The following NXPE4 variants were observed in gnomAD, a reference collection of about 807,000 sequenced individuals.
NXPE4 encodes the protein neurexophilin and PC-esterase domain family member 4.
A neutral mutation model predicts 33.3 loss-of-function variants in NXPE4; 42 were observed. The observed-to-expected ratio is 1.26, with a 90% CI of 0.98 to 1.63. The LOEUF (loss-of-function observed/expected upper bound fraction) is 1.63. NXPE4 is among the 40% of genes most tolerant of loss of function. The pLI is 0.00. For missense variants in NXPE4, 709 were observed against 647.6 expected, an observed-to-expected ratio of 1.09 and a Z score of -1.03; for synonymous variants, 253 against 234.9, an observed-to-expected ratio of 1.08 and a Z score of -0.71.
the NXPE4 span, among the ~76,000 whole-genome samples, chr11:114,637,235 T>C: frequency 6.6e-6 from 1 of 151,878 alleles, no homozygotes; most frequent in Non-Finnish European, 1.5e-5. Context: ...CTTTGTCTCT[T>C]TTGATCTTTG....
At chr11:114,625,334 C>T in the NXPE4 span, among the ~76,000 whole-genome samples, 4 of 152,220 alleles carry the variant, frequency 2.6e-5, no homozygotes, top group Admixed American at 1.3e-4. Context: ...TGTGGGTAAC[C>T]ACTGTTACTG....
At chr11:114,617,753 G>T in the NXPE4 span, among the ~76,000 whole-genome samples, 1 of 152,092 alleles carries the variant, frequency 6.6e-6, no homozygotes, top group African/African-American at 2.4e-5. Context: ...GGTAACCACT[G>T]TTACCATGTG....
chr11:114,628,849 G>T, the NXPE4 span, among the ~76,000 whole-genome samples: 3 of 151,802 alleles, frequency 2.0e-5, no homozygotes, highest in Non-Finnish European at 4.4e-5. Flanking sequence ...TATCACCACC[G>T]ATCCCACAGA....
At chr11:114,636,106 G>A in the NXPE4 span, among the ~76,000 whole-genome samples, 21 of 126,470 alleles carry the variant, frequency 1.7e-4, no homozygotes, top group South Asian at 2.7e-4. Flanking sequence ...GGACTCTTTC[G>A]TTGGTAAGCT....
rs569621438 is a variant in NXPE4, at chr11:114,589,971, C to T, written c.96+4693G>A. On this transcript the variant is annotated intron_variant, in intron 2 of 5. Transcript: ENST00000375478. ...CTGAGGGAACTAAATGGTTTACAGTCTTAGATTTAAAGGATGCCTTTTTCT... is the reference window on the plus strand; with the variant it reads ...CTGAGGGAACTAAATGGTTTACAGTTTTAGATTTAAAGGATGCCTTTTTCT... 2.6e-5 allele frequency among the ~76,000 whole-genome samples: 4 copies of T among 152,310 alleles called. No homozygotes were observed. In the South Asian group the frequency reaches 6.2e-4, roughly 24 times the overall value.
At chr11:114,602,464 A>G in the NXPE4 span, among the ~76,000 whole-genome samples, 3 of 135,400 alleles carry the variant, frequency 2.2e-5, no homozygotes, top group Admixed American at 8.2e-5. Context: ...TAAATAATAT[A>G]TAAATTATAG....
At chr11:114,622,988 C>T in the NXPE4 span, among the ~76,000 whole-genome samples, 15 of 152,190 alleles carry the variant, frequency 9.9e-5, no homozygotes, top group African/African-American at 1.7e-4. Context: ...TAGGAAACCA[C>T]GGTTACCTGG....
At chr11:114,668,944 G>C in the NXPE4 span, among the ~76,000 whole-genome samples, 1 of 152,050 alleles carries the variant, frequency 6.6e-6, no homozygotes, top group African/African-American at 2.4e-5. Context: ...TAGAAGAATG[G>C]AATCTCTGTG....
intron 2 of NXPE4, among the ~76,000 whole-genome samples, chr11:114,587,289 G>A (rs1018766051): frequency 2.6e-5 from 4 of 152,122 alleles, no homozygotes; most frequent in African/African-American, 9.7e-5. Context: ...CACCTATTCT[G>A]CCTCCAATTA....
intron 2 of NXPE4, among the ~76,000 whole-genome samples, chr11:114,586,764 A>C (rs1016910920): frequency 1.1e-4 from 17 of 152,094 alleles, no homozygotes; most frequent in Admixed American, 5.9e-4. Context: ...AGCTTTTTCT[A>C]TTGCAAATTT....
the NXPE4 span, among the ~76,000 whole-genome samples, chr11:114,621,350 T>G: frequency 2.2e-4 from 33 of 152,268 alleles, no homozygotes; most frequent in African/African-American, 7.9e-4. Flanking sequence ...TGTTGCCTCG[T>G]TAGTAAATAC....
At chr11:114,643,111 GT>G in the NXPE4 span, among the ~76,000 whole-genome samples, 4 of 151,936 alleles carry the variant, frequency 2.6e-5, no homozygotes, top group African/African-American at 9.7e-5. Flanking sequence ...GGGGTTGTTT[GT>G]TTTTTTCTTG....
the NXPE4 span, among the ~76,000 whole-genome samples, chr11:114,668,634 G>A: frequency 6.6e-6 from 1 of 152,072 alleles, no homozygotes; most frequent in South Asian, 2.1e-4. Flanking sequence ...CTCAGAGCAA[G>A]TGGGGAAAAG....
the NXPE4 span, among the ~76,000 whole-genome samples, chr11:114,659,280 A>T: frequency 6.6e-6 from 1 of 152,320 alleles, no homozygotes; most frequent in African/African-American, 2.4e-5. Context: ...CAAGGCAATC[A>T]ATAGACTCAG....
At chr11:114,602,647 ATTT>A in the NXPE4 span, among the ~76,000 whole-genome samples, 3 of 141,700 alleles carry the variant, frequency 2.1e-5, no homozygotes, top group African/African-American at 7.6e-5. Flanking sequence ...ATATATAATA[ATTT>A]TCTCATATAT....
At chr11:114,641,915 C>G in the NXPE4 span, among the ~76,000 whole-genome samples, 7 of 152,020 alleles carry the variant, frequency 4.6e-5, no homozygotes, top group Non-Finnish European at 4.4e-5. Flanking sequence ...ACTAGAGTAA[C>G]TTTATGCCAA....
the NXPE4 span, among the ~76,000 whole-genome samples, chr11:114,637,395 A>G: frequency 1.1e-3 from 162 of 151,086 alleles, no homozygotes; most frequent in East Asian, 3.3e-3. Context: ...ACAGCACACT[A>G]ATGGGTCTTG....
the NXPE4 span, among the ~76,000 whole-genome samples, chr11:114,660,969 A>G: frequency 6.6e-6 from 1 of 152,114 alleles, no homozygotes; most frequent in Non-Finnish European, 1.5e-5. Flanking sequence ...TATTCTGTCA[A>G]TCATCAGTTT....
At chr11:114,581,425 G>C (rs139117793) in intron 4 of NXPE4, among the ~76,000 whole-genome samples, 2 of 152,174 alleles carry the variant, frequency 1.3e-5, no homozygotes, top group African/African-American at 2.4e-5. Flanking sequence ...GTGAGGTAAA[G>C]AAGTGGGTAT....
Sources: allele counts gnomAD v4.1 joint callset (sites outside exome capture counted in the v4.1 genomes callset), GRCh38; gene constraint gnomAD v4.1.1; transcripts MANE v1.5; gene names NCBI Gene and HGNC (gene_info 2026-07-23, HGNC 2026-07-21).